PTPRM: variants seen among roughly 807,000 people sequenced by gnomAD.
PTPRM encodes protein tyrosine phosphatase receptor type M.
Under a neutral mutation model 186.7 loss-of-function variants are expected in PTPRM, and 47 were observed. That is an observed-to-expected ratio of 0.25 (90% CI 0.20 to 0.32). PTPRM has a LOEUF of 0.32. Among genes scored for constraint, PTPRM ranks in the 10% least tolerant of loss-of-function variants. The pLI, the probability that PTPRM is intolerant of heterozygous loss-of-function variation, is 1.00. For missense variants in PTPRM, 1,494 were observed against 1,865.0 expected (o/e 0.80, Z 3.66); for synonymous variants, 668 against 674.9 (o/e 0.99, Z 0.16).
chr18:7,635,304 A>C (rs553986044), intron 1 of PTPRM, among the ~76,000 whole-genome samples: 122 of 152,302 alleles, frequency 8.0e-4, no homozygotes, highest in African/African-American at 2.9e-3. Context: ...TAGCTAAGGC[A>C]ATTTTATAAT....
intron 1 of PTPRM, among the ~76,000 whole-genome samples, chr18:7,575,700 G>C (rs111756811): frequency 6.6e-6 from 1 of 152,292 alleles, no homozygotes; most frequent in African/African-American, 2.4e-5. Flanking sequence ...AAAAAGCAGT[G>C]GTGTGGATGG....
chr18:7,743,395 C>T (rs1418404132), intron 1 of PTPRM, among the ~76,000 whole-genome samples: 1 of 152,204 alleles, frequency 6.6e-6, no homozygotes, highest in Non-Finnish European at 1.5e-5. Flanking sequence ...TCTTTCACAA[C>T]AGTCTGAGAA....
intron 14 of PTPRM, among the ~76,000 whole-genome samples, chr18:8,189,021 T>C (rs2093676434): frequency 6.6e-6 from 1 of 152,138 alleles, no homozygotes; most frequent in South Asian, 2.1e-4. Context: ...ATCTCAGGGT[T>C]GAGGCTGGGC....
intron 1 of PTPRM, among the ~76,000 whole-genome samples, chr18:7,673,105 A>T (rs1339667967): frequency 2.6e-5 from 4 of 152,198 alleles, no homozygotes; most frequent in African/African-American, 7.2e-5. Context: ...AGGGTACAGG[A>T]CTTGACCATA....
At chr18:8,162,997 G>T (rs1172741648) in intron 14 of PTPRM, among the ~76,000 whole-genome samples, 1 of 152,144 alleles carries the variant, frequency 6.6e-6, no homozygotes, top group Non-Finnish European at 1.5e-5. Context: ...CCACACACCT[G>T]CCCTCAGCCA....
Position 8,206,325 on chromosome 18 carries a change from G to A in PTPRM, c.2301-37733G>A, listed in dbSNP as rs528893140. 2.0e-5 allele frequency among the ~76,000 whole-genome samples: 3 copies of A among 151,564 alleles called. No individual in the cohort carries two copies. In the South Asian group the frequency reaches 6.2e-4, roughly 31 times the overall value. On this transcript the variant is annotated intron_variant, in intron 14 of 32. Transcript: ENST00000580170. ...GCTGGAGTGCAGTCGCGCCATCTCGGCTCACTGCAAGCTCCGCTTCCTGGG... is the reference window on the plus strand; with the variant it reads ...GCTGGAGTGCAGTCGCGCCATCTCGACTCACTGCAAGCTCCGCTTCCTGGG...
intron 2 of PTPRM, among the ~76,000 whole-genome samples, chr18:7,782,854 A>G (rs1331208246): frequency 6.6e-6 from 1 of 152,218 alleles, no homozygotes; most frequent in Non-Finnish European, 1.5e-5. Flanking sequence ...TATATTATGT[A>G]TGACCACTTA....
At chr18:8,334,296 T>C (rs191175040) in intron 22 of PTPRM, among the ~76,000 whole-genome samples, 1 of 152,334 alleles carries the variant, frequency 6.6e-6, no homozygotes, top group East Asian at 1.9e-4. Flanking sequence ...ACTGTCTTCC[T>C]AGTACAGCCC....
chr18:7,976,472 G>A (rs2054948473), intron 7 of PTPRM, among the ~76,000 whole-genome samples: 1 of 152,224 alleles, frequency 6.6e-6, no homozygotes, highest in Non-Finnish European at 1.5e-5. Flanking sequence ...GGTGCTGATT[G>A]TTCGTTGGTA....
intron 9 of PTPRM, among the ~76,000 whole-genome samples, chr18:8,084,650 A>G (rs1600472814): frequency 6.6e-6 from 1 of 152,218 alleles, no homozygotes; most frequent in East Asian, 1.9e-4. Context: ...GTTCATGCAC[A>G]TAAATTACAA....
At chr18:8,255,152 C>G (rs896836750) in intron 19 of PTPRM, among the ~76,000 whole-genome samples, 1 of 152,032 alleles carries the variant, frequency 6.6e-6, no homozygotes, top group Non-Finnish European at 1.5e-5. Context: ...AGCTTAATAT[C>G]GTATGAAAGA....
intron 1 of PTPRM, among the ~76,000 whole-genome samples, chr18:7,760,033 C>A (rs2041692963): frequency 6.6e-6 from 1 of 152,152 alleles, no homozygotes; most frequent in African/African-American, 2.4e-5. Context: ...CCTGTAACCT[C>A]AAGTTTCTTA....
intron 19 of PTPRM, chr18:8,270,466 A>G (rs778892050): frequency 1.3e-5 from 2 of 152,122 alleles, no homozygotes; most frequent in Non-Finnish European, 1.5e-5. Context: ...GTTGGTGAGA[A>G]TGTAATTTTT....
chr18:7,631,099 C>G (rs549388241), intron 1 of PTPRM, among the ~76,000 whole-genome samples: 3 of 152,248 alleles, frequency 2.0e-5, no homozygotes, highest in South Asian at 4.2e-4. Context: ...ACTTCTGTGT[C>G]CTGTTTTATT....
intron 1 of PTPRM, among the ~76,000 whole-genome samples, chr18:7,764,130 G>C (rs1248707760): frequency 6.6e-6 from 1 of 152,028 alleles, no homozygotes; most frequent in Admixed American, 6.6e-5. Context: ...GTGCTATTCT[G>C]TTGTCCTTTA....
intron 14 of PTPRM, among the ~76,000 whole-genome samples, chr18:8,166,725 A>G (rs1426091780): frequency 6.6e-6 from 1 of 152,130 alleles, no homozygotes; most frequent in Non-Finnish European, 1.5e-5. Context: ...TGTAGCACAT[A>G]TTCTGTTGTC....
At chr18:7,888,852 C>G (rs546783635) in intron 3 of PTPRM, among the ~76,000 whole-genome samples, 1 of 151,962 alleles carries the variant, frequency 6.6e-6, no homozygotes, top group Non-Finnish European at 1.5e-5. Context: ...TTATCCCAAG[C>G]GAATTAATGC....
intron 2 of PTPRM, among the ~76,000 whole-genome samples, chr18:7,778,004 C>T (rs935143973): frequency 1.3e-5 from 2 of 152,166 alleles, no homozygotes; most frequent in Admixed American, 6.5e-5. Flanking sequence ...AATAATAATT[C>T]ATCAAGATGA....
intron 19 of PTPRM, among the ~76,000 whole-genome samples, chr18:8,262,976 G>C (rs1246535492): frequency 6.6e-6 from 1 of 152,192 alleles, no homozygotes; most frequent in African/African-American, 2.4e-5. Context: ...GGGTGGGCTA[G>C]GGGTATCCAG....
Sources: allele counts gnomAD v4.1 joint callset (sites outside exome capture counted in the v4.1 genomes callset), GRCh38; gene constraint gnomAD v4.1.1; transcripts MANE v1.5; gene names NCBI Gene and HGNC (gene_info 2026-07-23, HGNC 2026-07-21).